The following KIAA0753 variants were observed in gnomAD, a reference collection of about 807,000 sequenced individuals.
The protein encoded by KIAA0753 is KIAA0753, also known as protein moonraker.
In KIAA0753, 114 loss-of-function variants were observed where a neutral mutation model predicts 116.9. The observed-to-expected ratio is 0.98, with a 90% CI of 0.84 to 1.14. KIAA0753 has a LOEUF of 1.14. Ranked by LOEUF, KIAA0753 falls within the 50% of genes most tolerant of loss-of-function variation. The pLI is 0.00. For synonymous variants in KIAA0753, 405 were observed against 413.1 expected, an observed-to-expected ratio of 0.98 and a Z score of 0.24; for missense variants, 1,156 against 1,172.4, an observed-to-expected ratio of 0.99 and a Z score of 0.20.
chr17:6,620,612 A>T (rs1307125017), intron 7 of KIAA0753, among the ~76,000 whole-genome samples, 176 bp downstream of exon 7: 1 of 152,170 alleles, frequency 6.6e-6, no homozygotes, highest in Non-Finnish European at 1.5e-5. Context: ...ACCTTCCTCT[A>T]TAGAATGCCT....
At chr17:6,619,993 A>G (rs778214613) in intron 7 of KIAA0753, among the ~76,000 whole-genome samples, 11 of 152,226 alleles carry the variant, frequency 7.2e-5, no homozygotes, top group Non-Finnish European at 1.2e-4. Context: ...TAATGATTTC[A>G]GGAGCATTCA....
chr17:6,598,071 C>A (rs1462878662), intron 14 of KIAA0753, among the ~76,000 whole-genome samples: 1 of 152,164 alleles, frequency 6.6e-6, no homozygotes, highest in African/African-American at 2.4e-5. Context: ...GTAATGCCTA[C>A]AAAATAATTC....
rs189301501 is a variant in KIAA0753, at chr17:6,616,027, A to T, written c.1316-3879T>A. Among the ~76,000 whole-genome samples the T allele has an allele frequency of 9.2e-3, 1,192 of 129,960 alleles. 15 individuals are homozygous for T. The highest frequency in any genetic ancestry group is 0.029 in the African/African-American group (1,093 of 37,954). 85.3% of individuals were successfully genotyped at this position (129,960 alleles called of 152,430 possible). ...GGGTGGGGAAGAGGAGACCTTAGGA[A>T]ATCAGAATGGAAGAATAGGGTAGAG... On this transcript the variant is annotated intron_variant, in intron 7 of 18. Coordinates refer to ENST00000361413, the MANE Select transcript of KIAA0753 (RefSeq NM_014804.3).
chr17:6,629,947 C>T (rs979915444), intron 2 of KIAA0753, among the ~76,000 whole-genome samples: 3 of 152,102 alleles, frequency 2.0e-5, no homozygotes, highest in Non-Finnish European at 4.4e-5. Flanking sequence ...GGCAAAACCC[C>T]ATCTCTACTA....
chr17:6,628,422 T>G lies in KIAA0753; in HGVS notation c.413A>C (p.Lys138Thr). 1 of 1,614,216 alleles carries G rather than the reference T, an allele frequency of 6.2e-7. No homozygotes were observed. Among genetic ancestry groups the G allele is most frequent in the Non-Finnish European group, 8.5e-7 (1 of 1,180,024 alleles). ...SSQKCGHTKY[K>T]IPDHRVERKE... ...CCTTTCCACCCTGTGGTCGGGTATT[T>G]TATACTTAGTATGTCCACACTTCTG... is the stretch of plus-strand genomic sequence containing the variant. The change falls in exon 3 of 19, where the codon AAA becomes ACA. Residue 138 changes from lysine to threonine, a missense_variant. Transcript: ENST00000361413.
At chr17:6,595,204 C>T (rs1969381621) in intron 15 of KIAA0753, 151 bp from the exon 16 acceptor site, 1 of 623,116 alleles carries the variant, frequency 1.6e-6, no homozygotes, top group East Asian at 2.8e-5. Flanking sequence ...GTAATTAGTT[C>T]ATGAGACGAA....
chr17:6,615,888 T>G (rs995391566), intron 7 of KIAA0753, among the ~76,000 whole-genome samples: 7 of 152,272 alleles, frequency 4.6e-5, no homozygotes, highest in Admixed American at 2.6e-4. Flanking sequence ...CAGCCAACTA[T>G]TATGTAAATC....
chr17:6,621,789 T>C (rs1197410511), intron 6 of KIAA0753, among the ~76,000 whole-genome samples: 1 of 152,214 alleles, frequency 6.6e-6, no homozygotes, highest in Non-Finnish European at 1.5e-5. Flanking sequence ...TATGAAGATG[T>C]GTACTCTAAA....
At chr17:6,634,763 A>G (rs897585484) in intron 2 of KIAA0753, 2 of 422,966 alleles carry the variant, frequency 4.7e-6, no homozygotes, top group Non-Finnish European at 8.8e-6. Context: ...TATCATGATT[A>G]AGTAGGAGAG....
At position 6,600,418 on chromosome 17, in the gene KIAA0753, C is replaced by A; in HGVS notation, c.2050G>T (p.Val684Phe). ...THLADKVEEA[V>F]LDRLKPLLVK... ...AAGAGAGGCTTCAAACGATCCAGAA[C>A]TGCCTCCTCTACCTTGTCTGCTAAG... Residue 684 changes from valine (V) to phenylalanine (F), a missense_variant, in exon 13 of 19, where the codon GTT (valine) becomes TTT (phenylalanine). By Grantham distance (50) the Val-to-Phe change is conservative. Coordinates refer to ENST00000361413, the MANE Select transcript of KIAA0753 (RefSeq NM_014804.3). 3 of 1,613,938 alleles carry A rather than the reference C, an allele frequency of 1.9e-6. No individual in the cohort carries two copies. Among genetic ancestry groups the A allele is most frequent in the Non-Finnish European group, 2.5e-6 (3 of 1,179,844 alleles).
rs61735434 is a variant in KIAA0753, at chr17:6,589,851, C to T, written c.2714G>A (p.Arg905His). 1.1e-4 allele frequency: 175 copies of T among 1,613,972 alleles called. No individual in the cohort carries two copies. The highest frequency in any genetic ancestry group is 1.6e-4 in the Middle Eastern group (1 of 6,082). ...TATGATCCGAAGGTACTGCTCAAAA[C>T]GACTACAGTAGTCACCGATGCTGTG... Reference protein sequence around the residue: ...MQHSIGDYCSRFEQYLRIISH... With the variant: ...MQHSIGDYCSHFEQYLRIISH... The change falls in exon 18 of 19, where the codon CGT (arginine) becomes CAT (histidine). Residue 905 changes from arginine (R) to histidine (H), a missense_variant. Transcript: ENST00000361413.
intron 18 of KIAA0753, among the ~76,000 whole-genome samples, chr17:6,587,090 G>A (rs1968630875): frequency 6.6e-6 from 1 of 152,050 alleles, no homozygotes; most frequent in African/African-American, 2.4e-5. Context: ...AAATTAGCCA[G>A]GTGTAGTAGC....
At chr17:6,585,702 T>A (rs1164180106) in intron 18 of KIAA0753, among the ~76,000 whole-genome samples, 4 of 152,246 alleles carry the variant, frequency 2.6e-5, no homozygotes, top group Non-Finnish European at 5.9e-5. Flanking sequence ...TCCTTTTTTA[T>A]AGTATCCTGT....
At chr17:6,583,437 G>GTTTGTGACTCGT (rs1369651346) in intron 18 of KIAA0753, among the ~76,000 whole-genome samples, 4 of 152,078 alleles carry the variant, frequency 2.6e-5, no homozygotes, top group Non-Finnish European at 1.5e-5. Context: ...TTGGGATGTT[G>GTTTGTGACTCGT]TTTGTGACTC....
At chr17:6,637,603 A>G (rs1431791025) in intron 1 of KIAA0753, 1 of 152,396 alleles carries the variant, frequency 6.6e-6, no homozygotes, top group Non-Finnish European at 1.5e-5. Context: ...CAGCAGCCCC[A>G]CAGCCATGGA....
At chr17:6,584,485 CA>C (rs1968419827) in intron 18 of KIAA0753, among the ~76,000 whole-genome samples, 1 of 152,178 alleles carries the variant, frequency 6.6e-6, no homozygotes, top group Non-Finnish European at 1.5e-5. Context: ...AATTTATACC[CA>C]AACTGTGAGA....
rs1476806924 is a variant in KIAA0753, at chr17:6,608,380, G to C, written c.1797C>G (p.His599Gln). ...LQQEDPQEESHLTGAVEHEAA... is the reference protein window; with the variant it reads ...LQQEDPQEESQLTGAVEHEAA... ...CTTCATGCTCAACAGCACCTGTCAGGTGACTTTCCTCTTGAGGATCTTCTT... is the reference window on the plus strand; with the variant it reads ...CTTCATGCTCAACAGCACCTGTCAGCTGACTTTCCTCTTGAGGATCTTCTT... Residue 599 changes from histidine to glutamine, a missense_variant, in exon 10 of 19, where the codon CAC (histidine) becomes CAG (glutamine). Physicochemically the swap from His to Gln is conservative, Grantham distance 24. Coordinates refer to ENST00000361413, the MANE Select transcript of KIAA0753 (RefSeq NM_014804.3). 6.4e-7 allele frequency: 1 copy of C among 1,553,230 alleles called. No homozygotes were observed. The highest frequency in any genetic ancestry group is 8.7e-7 in the Non-Finnish European group (1 of 1,143,994).
chr17:6,579,270 G>C lies in KIAA0753; in HGVS notation c.*477C>G, dbSNP rs1967970042. 1 of 158,640 alleles carries C rather than the reference G, an allele frequency of 6.3e-6. No individual in the cohort carries two copies. Among genetic ancestry groups the C allele is most frequent in the Non-Finnish European group, 1.4e-5 (1 of 71,882 alleles). The allele number at this position is 158,640 out of a possible 1,614,324, so 9.8% of individuals were successfully genotyped here. On this transcript the variant is annotated 3_prime_UTR_variant, in exon 19 of 19. Transcript: ENST00000361413. ...CTGAGTCTACAGCCTAGTAGGGCCA[G>C]AGGTCCTGACAGGAAATCGCCAAAG... is the stretch of plus-strand genomic sequence containing the variant.
At chr17:6,587,586 C>T (rs1344441492) in intron 18 of KIAA0753, among the ~76,000 whole-genome samples, 2 of 152,170 alleles carry the variant, frequency 1.3e-5, no homozygotes, top group African/African-American at 2.4e-5. Context: ...TACAGGAGCG[C>T]GTGTTAACAA....
Sources: gnomAD v4.1 joint callset for allele counts (sites outside exome capture counted in the v4.1 genomes callset) on GRCh38, gnomAD v4.1.1 for gene constraint, MANE v1.5 for transcripts, NCBI Gene and HGNC (gene_info 2026-07-23, HGNC 2026-07-21) for gene names.